SEMA3E: variants seen among roughly 807,000 people sequenced by gnomAD.
SEMA3E encodes semaphorin-3E.
SEMA3E carries 49 observed loss-of-function variants against 93.6 expected under a neutral mutation model. That is an observed-to-expected ratio of 0.52 (90% confidence interval 0.42 to 0.66). SEMA3E has a LOEUF of 0.66. Ranked by LOEUF, SEMA3E falls within the 30% of genes least tolerant of loss-of-function variation. The pLI, the probability that SEMA3E is intolerant of heterozygous loss-of-function variation, is 0.00. For missense variants in SEMA3E, 906 were observed against 964.8 expected, an observed-to-expected ratio of 0.94 and a Z score of 0.81; for synonymous variants, 363 against 330.7, an observed-to-expected ratio of 1.10 and a Z score of -1.06.
chr7:83,445,219 G>A (rs905837504), intron 4 of SEMA3E, among the ~76,000 whole-genome samples: 7 of 152,166 alleles, frequency 4.6e-5, no homozygotes, highest in African/African-American at 1.2e-4. Context: ...CAGACTATTC[G>A]TTCAAGACAT....
At chr7:83,623,713 A>C (rs938836037) in intron 1 of SEMA3E, among the ~76,000 whole-genome samples, 1 of 151,888 alleles carries the variant, frequency 6.6e-6, no homozygotes, top group Non-Finnish European at 1.5e-5. Context: ...TACCTGAGAT[A>C]GATTAAATTT....
chr7:83,466,145 C>G (rs1009154165), intron 4 of SEMA3E, among the ~76,000 whole-genome samples: 1 of 152,054 alleles, frequency 6.6e-6, no homozygotes, highest in African/African-American at 2.4e-5. Flanking sequence ...ACACACCCAC[C>G]TATATACATA....
At chr7:83,557,022 T>C (rs1321022091) in intron 1 of SEMA3E, among the ~76,000 whole-genome samples, 4 of 152,136 alleles carry the variant, frequency 2.6e-5, no homozygotes, top group Non-Finnish European at 5.9e-5. Flanking sequence ...AAGAAACAAA[T>C]TCATGTTCTT....
At chr7:83,556,952 G>A (rs1791908476) in intron 1 of SEMA3E, among the ~76,000 whole-genome samples, 1 of 152,100 alleles carries the variant, frequency 6.6e-6, no homozygotes, top group Non-Finnish European at 1.5e-5. Context: ...GCAAAGACTA[G>A]GATCTTACCA....
intron 1 of SEMA3E, among the ~76,000 whole-genome samples, chr7:83,522,950 G>C (rs1791079145): frequency 6.6e-6 from 1 of 152,058 alleles, no homozygotes; most frequent in East Asian, 1.9e-4. Context: ...CTCAGGATTG[G>C]TGAGAATACG....
At chr7:83,425,627 GTAAT>G (rs1788754605) in intron 4 of SEMA3E, among the ~76,000 whole-genome samples, 1 of 152,136 alleles carries the variant, frequency 6.6e-6, no homozygotes, top group Non-Finnish European at 1.5e-5. Context: ...ATGTACTTAG[GTAAT>G]TATTCACATT....
intron 4 of SEMA3E, among the ~76,000 whole-genome samples, chr7:83,460,958 T>C (rs1789603921): frequency 6.6e-6 from 1 of 152,038 alleles, no homozygotes; most frequent in African/African-American, 2.4e-5. Flanking sequence ...TTCTACTCCC[T>C]TGGCCTGTGT....
At chr7:83,619,670 T>C (rs1202152465) in intron 1 of SEMA3E, among the ~76,000 whole-genome samples, 1 of 151,844 alleles carries the variant, frequency 6.6e-6, no homozygotes, top group African/African-American at 2.4e-5. Context: ...ATGGATATAC[T>C]AAGAAGGAGT....
chr7:83,371,883 C>G (rs886602146), intron 16 of SEMA3E: 3 of 162,914 alleles, frequency 1.8e-5, no homozygotes, highest in African/African-American at 7.1e-5. Context: ...TTTATAGCCC[C>G]TAAAGGTATT....
chr7:83,508,714 TTATC>T (rs941551090), intron 1 of SEMA3E, among the ~76,000 whole-genome samples: 14 of 152,202 alleles, frequency 9.2e-5, no homozygotes, highest in African/African-American at 2.9e-4. Flanking sequence ...TTATTATAAA[TTATC>T]TATGGGGAAT....
chr7:83,467,505 T>A (rs1396364986), intron 3 of SEMA3E, among the ~76,000 whole-genome samples: 1 of 152,194 alleles, frequency 6.6e-6, no homozygotes, highest in African/African-American at 2.4e-5. Context: ...TATATTGCTG[T>A]AAGAAATAGT....
At chr7:83,468,899 A>C (rs1789832997) in intron 3 of SEMA3E, among the ~76,000 whole-genome samples, 1 of 152,334 alleles carries the variant, frequency 6.6e-6, no homozygotes, top group African/African-American at 2.4e-5. Context: ...GAAATCTCAC[A>C]AAGAATGTGC....
rs1193445969 is a variant in SEMA3E, at chr7:83,625,083, C to T, written c.115+23345G>A. 2.0e-5 allele frequency among the ~76,000 whole-genome samples: 3 copies of T among 152,054 alleles called. No homozygotes were observed. The East Asian group carries it at 5.8e-4, about 29-fold the overall frequency. ...GCCTCTGTTCTGTTCCATTGGCCTA[C>T]ATATCTGTTTTGGTACCAGTACCAT... On this transcript the variant is annotated intron_variant, in intron 1 of 16. Coordinates refer to ENST00000643230, the MANE Select transcript of SEMA3E (RefSeq NM_012431.3).
chr7:83,431,829 A>G (rs1202124819), intron 4 of SEMA3E, among the ~76,000 whole-genome samples: 1 of 152,216 alleles, frequency 6.6e-6, no homozygotes, highest in African/African-American at 2.4e-5. Context: ...TAGCTCAATA[A>G]CATATAAGAA....
At chr7:83,639,814 CT>C (rs1366430535) in intron 1 of SEMA3E, among the ~76,000 whole-genome samples, 1 of 151,622 alleles carries the variant, frequency 6.6e-6, no homozygotes, top group African/African-American at 2.4e-5. Flanking sequence ...AGTCTATACC[CT>C]TTCCACTACA....
chr7:83,480,451 T>G (rs899869049), intron 2 of SEMA3E, among the ~76,000 whole-genome samples: 3 of 152,014 alleles, frequency 2.0e-5, no homozygotes, highest in Non-Finnish European at 2.9e-5. Flanking sequence ...AATAAAACGC[T>G]ATTAGTATTA....
At chr7:83,485,316 A>C (rs963395713) in intron 2 of SEMA3E, among the ~76,000 whole-genome samples, 1 of 152,192 alleles carries the variant, frequency 6.6e-6, no homozygotes, top group Non-Finnish European at 1.5e-5. Context: ...TACATAAATT[A>C]ATTCATAATT....
At chr7:83,503,409 AT>A (rs1790636128) in intron 1 of SEMA3E, among the ~76,000 whole-genome samples, 1 of 152,164 alleles carries the variant, frequency 6.6e-6, no homozygotes, top group African/African-American at 2.4e-5. Context: ...TACCCTTGAA[AT>A]TTGAATTCTA....
chr7:83,603,380 G>A (rs1264270896), intron 1 of SEMA3E, among the ~76,000 whole-genome samples: 1 of 152,020 alleles, frequency 6.6e-6, no homozygotes, highest in Non-Finnish European at 1.5e-5. Flanking sequence ...CTTTGTGACA[G>A]GTCCTTTTTG....
Sources: allele counts gnomAD v4.1 joint callset (sites outside exome capture counted in the v4.1 genomes callset), GRCh38; gene constraint gnomAD v4.1.1; transcripts MANE v1.5; gene names NCBI Gene and HGNC (gene_info 2026-07-23, HGNC 2026-07-21).